The following RGS6 variants were observed in gnomAD, a reference collection of about 807,000 sequenced individuals.
RGS6 encodes regulator of G-protein signaling 6.
Under a neutral mutation model 78.5 loss-of-function variants are expected in RGS6, and 30 were observed. The observed-to-expected ratio is 0.38, with a 90% CI of 0.29 to 0.52. RGS6 has a LOEUF of 0.52. Ranked by LOEUF, RGS6 falls within the 20% of genes least tolerant of loss-of-function variation. The probability of loss-of-function intolerance (pLI) is 0.85; values close to 1 mark genes in which losing one functional copy is unlikely to be tolerated. For missense variants in RGS6, 495 were observed against 609.7 expected, an observed-to-expected ratio of 0.81 and a Z score of 1.98; for synonymous variants, 206 against 206.0, an observed-to-expected ratio of 1.00 and a Z score of 0.00.
intron 2 of RGS6, among the ~76,000 whole-genome samples, chr14:72,284,818 T>C (rs35074471): frequency 6.6e-6 from 1 of 152,090 alleles, no homozygotes; most frequent in South Asian, 2.1e-4. Flanking sequence ...AGCTGGGAGG[T>C]AGGCTGTACC....
At chr14:72,082,452 G>A (rs1356354071) in intron 2 of RGS6, among the ~76,000 whole-genome samples, 1 of 151,972 alleles carries the variant, frequency 6.6e-6, no homozygotes, top group Non-Finnish European at 1.5e-5. Flanking sequence ...CATTACTGGT[G>A]TATAGAAACA....
At chr14:72,131,932 A>G (rs2096328279) in intron 2 of RGS6, among the ~76,000 whole-genome samples, 1 of 152,202 alleles carries the variant, frequency 6.6e-6, no homozygotes, top group Non-Finnish European at 1.5e-5. Flanking sequence ...TTGTTTTTTA[A>G]AAATGTACAG....
chr14:71,945,047 A>G (rs1266613637), intron 1 of RGS6, among the ~76,000 whole-genome samples: 1 of 152,214 alleles, frequency 6.6e-6, no homozygotes, highest in Non-Finnish European at 1.5e-5. Context: ...GTGGTCCATC[A>G]CTGACTTGTG....
At chr14:72,600,748 C>T in the RGS6 span, among the ~76,000 whole-genome samples, 1 of 152,110 alleles carries the variant, frequency 6.6e-6, no homozygotes, top group Non-Finnish European at 1.5e-5. Context: ...TTCCCTGGGC[C>T]GGAGACACCA....
At chr14:72,608,120 C>T in the RGS6 span, among the ~76,000 whole-genome samples, 2 of 152,186 alleles carry the variant, frequency 1.3e-5, no homozygotes, top group Admixed American at 6.5e-5. Flanking sequence ...CCCTTGACCC[C>T]GTTCATCACA....
At chr14:72,451,057 G>A (rs903879058) in intron 3 of RGS6, among the ~76,000 whole-genome samples, 7 of 152,142 alleles carry the variant, frequency 4.6e-5, no homozygotes, top group Non-Finnish European at 8.8e-5. Flanking sequence ...GAGTGAGCAC[G>A]TCCCCCTGTC....
intron 2 of RGS6, among the ~76,000 whole-genome samples, chr14:72,169,932 A>G (rs1242724644): frequency 1.3e-5 from 2 of 152,186 alleles, no homozygotes; most frequent in African/African-American, 4.8e-5. Context: ...TATGCTCATT[A>G]ACATTTGAGA....
intron 1 of RGS6, among the ~76,000 whole-genome samples, chr14:71,946,429 C>T (rs774250621): frequency 4.5e-4 from 69 of 152,248 alleles, no homozygotes; most frequent in Non-Finnish European, 8.8e-4. Context: ...CCTCCCCACT[C>T]CTTGTCCTGC....
At chr14:72,317,494 A>G (rs1276162237) in intron 2 of RGS6, among the ~76,000 whole-genome samples, 2 of 152,116 alleles carry the variant, frequency 1.3e-5, no homozygotes, top group Non-Finnish European at 2.9e-5. Context: ...CTCTATTTCC[A>G]TTGTCGAAGG....
At chr14:72,042,129 C>CTTTTTTTTT (rs202194668) in intron 2 of RGS6, among the ~76,000 whole-genome samples, 2 of 134,540 alleles carry the variant, frequency 1.5e-5, no homozygotes, top group Admixed American at 7.7e-5. Context: ...TTTTCTTTTT[C>CTTTTTTTTT]TTTTTTTTTT....
chr14:72,422,162 A>G (rs1309899565), intron 3 of RGS6, among the ~76,000 whole-genome samples: 1 of 152,174 alleles, frequency 6.6e-6, no homozygotes, highest in Non-Finnish European at 1.5e-5. Flanking sequence ...GCCTTCTGCC[A>G]TGATTGTGAG....
At chr14:72,289,646 G>A (rs964075374) in intron 2 of RGS6, among the ~76,000 whole-genome samples, 2 of 152,104 alleles carry the variant, frequency 1.3e-5, no homozygotes, top group Non-Finnish European at 2.9e-5. Context: ...TTACCTGCCC[G>A]ATACCTCTCT....
rs149278582 is a variant in RGS6, at chr14:72,452,214, C to T, written c.185-2314C>T. Among the ~76,000 whole-genome samples the T allele has an allele frequency of 6.9e-3, 986 of 142,412 alleles. 10 individuals are homozygous for T. Among genetic ancestry groups the T allele is most frequent in the African/African-American group, 0.025 (937 of 37,544 alleles). The allele number at this position is 142,412 out of a possible 152,430, so 93.4% of individuals were successfully genotyped here. On this transcript the variant is annotated intron_variant, in intron 3 of 17. Transcript: ENST00000553525. ...GGACACACAGGCACATGTACACACA[C>T]ACATATTCATTCTCTCTCTCTCTCT... is the stretch of plus-strand genomic sequence containing the variant.
intron 2 of RGS6, among the ~76,000 whole-genome samples, chr14:72,187,276 G>A (rs1243964542): frequency 6.6e-6 from 1 of 152,194 alleles, no homozygotes; most frequent in African/African-American, 2.4e-5. Context: ...ACTTGGCTGT[G>A]TATAACTACT....
intron 2 of RGS6, among the ~76,000 whole-genome samples, chr14:72,145,818 A>G (rs980718347): frequency 1.3e-5 from 2 of 152,182 alleles, no homozygotes; most frequent in African/African-American, 2.4e-5. Context: ...ATGTAAAATT[A>G]TAAGTGTGGT....
chr14:72,246,780 T>C (rs847249), intron 2 of RGS6, among the ~76,000 whole-genome samples: 135,763 of 151,996 alleles, frequency 0.89, 60,827 homozygotes, highest in South Asian at 0.93. Context: ...CATGGTGGCG[T>C]CTGTAGTCCC....
chr14:72,489,251 G>A (rs1404731891), intron 12 of RGS6, among the ~76,000 whole-genome samples: 1 of 151,038 alleles, frequency 6.6e-6, no homozygotes, highest in Non-Finnish European at 1.5e-5. Flanking sequence ...ATGTCATCGT[G>A]ACTCAGATCC....
chr14:72,476,991 T>C, intron 11 of RGS6, 151 bp downstream of exon 11: 1 of 642,162 alleles, frequency 1.6e-6, no homozygotes, highest in Non-Finnish European at 2.7e-6. Context: ...TTAAGTGCTG[T>C]GTGTGAACAA....
intron 3 of RGS6, among the ~76,000 whole-genome samples, chr14:72,425,512 T>C (rs2094397887): frequency 6.6e-6 from 1 of 152,218 alleles, no homozygotes; most frequent in African/African-American, 2.4e-5. Context: ...TTCCTGTTAA[T>C]CAGTATACAA....
Sources: gnomAD v4.1 joint callset for allele counts (sites outside exome capture counted in the v4.1 genomes callset) on GRCh38, gnomAD v4.1.1 for gene constraint, MANE v1.5 for transcripts, NCBI Gene and HGNC (gene_info 2026-07-23, HGNC 2026-07-21) for gene names.